The following DDX46 variants were observed in gnomAD, a reference collection of about 807,000 sequenced individuals.
DDX46 encodes the protein probable ATP-dependent RNA helicase DDX46.
Under a neutral mutation model 134.9 loss-of-function variants are expected in DDX46, and 30 were observed. The observed-to-expected ratio is 0.22, with a 90% CI of 0.17 to 0.30. DDX46 has a LOEUF of 0.30. Among genes scored for constraint, DDX46 ranks in the 10% least tolerant of loss-of-function variants. The pLI, the probability that DDX46 is intolerant of heterozygous loss-of-function variation, is 1.00. For missense variants in DDX46, 622 were observed against 1,248.7 expected, an observed-to-expected ratio of 0.50 and a Z score of 7.56; for synonymous variants, 415 against 404.1, an observed-to-expected ratio of 1.03 and a Z score of -0.32.
intron 1 of DDX46, among the ~76,000 whole-genome samples, chr5:134,759,341 T>C (rs1193002907): frequency 6.6e-6 from 1 of 152,228 alleles, no homozygotes; most frequent in East Asian, 1.9e-4. Flanking sequence ...ATTTTAGTTC[T>C]TTGTGCGCGT....
At position 134,796,097 on chromosome 5, in the gene DDX46, G is replaced by T. The variant is rs769294320; in HGVS notation, c.1901G>T (p.Gly634Val). The T allele has an allele frequency of 1.2e-6, 2 of 1,613,878 alleles. No homozygotes were observed. Among genetic ancestry groups the T allele is most frequent in the African/African-American group, 2.7e-5 (2 of 75,044 alleles). ...IFVDKQEHAD[G>V]LLKDLMRASY... ...GTGGATAAGCAGGAACATGCTGATG[G>T]TCTTCTTAAGGATTTAATGAGAGCA... is the stretch of plus-strand genomic sequence containing the variant. The change falls in exon 15 of 23, where the codon GGT becomes GTT. Residue 634 changes from glycine (G) to valine (V), a missense_variant. By Grantham distance (109) the Gly-to-Val change is moderately radical. Coordinates refer to ENST00000452510, the MANE Select transcript of DDX46 (RefSeq NM_001300860.2).
At chr5:134,811,551 GTAGAGCTCT>G in intron 17 of DDX46, 136 bp from the exon 18 acceptor site, 1 of 1,133,020 alleles carries the variant, frequency 8.8e-7, no homozygotes, top group Non-Finnish European at 1.2e-6. Context: ...TGGTGTCTAT[GTAGAGCTCT>G]TAGTTTATCT....
intron 2 of DDX46, among the ~76,000 whole-genome samples, chr5:134,765,113 G>T (rs1254945310): frequency 1.3e-5 from 2 of 149,000 alleles, no homozygotes; most frequent in Non-Finnish European, 3.0e-5. Context: ...CTGTCACCCA[G>T]GCTGGAGTGC....
At position 134,782,666 on chromosome 5, in the gene DDX46, G is replaced by A. The variant is rs755044582; in HGVS notation, c.1046-279G>A. ...GGTGATCTTCCTATGTCAGCCTCCC[G>A]AGTAGCTGGGACTACAGACATGTGC... is the stretch of plus-strand genomic sequence containing the variant. On this transcript the variant is annotated intron_variant, in intron 8 of 22. Transcript: ENST00000452510. Among the ~76,000 whole-genome samples the A allele has an allele frequency of 4.0e-5, 6 of 151,794 alleles. No individual in the cohort carries two copies. The East Asian group carries it at 7.7e-4, about 20-fold the overall frequency.
intron 15 of DDX46, among the ~76,000 whole-genome samples, chr5:134,805,784 C>T (rs1373531028): frequency 2.0e-5 from 3 of 152,066 alleles, no homozygotes; most frequent in East Asian, 1.9e-4. Flanking sequence ...CCTCCTGCCT[C>T]GGCCTCCGAA....
intron 14 of DDX46, among the ~76,000 whole-genome samples, 187 bp downstream of exon 14, chr5:134,795,201 C>CTTATTT (rs1301651132): frequency 9.4e-5 from 13 of 138,138 alleles, no homozygotes; most frequent in Middle Eastern, 3.9e-3. Context: ...ATTTAAAATG[C>CTTATTT]TTGTTTTTTT....
intron 21 of DDX46, among the ~76,000 whole-genome samples, chr5:134,821,039 G>GTT (rs775510506): frequency 1.7e-4 from 22 of 127,210 alleles, no homozygotes; most frequent in Admixed American, 3.2e-4. Flanking sequence ...GCTAATTTTC[G>GTT]TTTTTTTTTT....
Position 134,766,949 on chromosome 5 carries a change from G to A in DDX46, c.239G>A (p.Arg80Gln). 1.2e-5 allele frequency: 19 copies of A among 1,614,014 alleles called. No individual in the cohort carries two copies. The highest frequency in any genetic ancestry group is 1.6e-5 in the Non-Finnish European group (19 of 1,179,986). ...RSRSRERDRS[R>Q]ERRRSRSRDR... Reference sequence around the variant, plus strand: ...AGAAGTAGAGAGAGAGACAGAAGCCGAGAGCGAAGAAGATCTCGAAGTAGA... The same window carrying A: ...AGAAGTAGAGAGAGAGACAGAAGCCAAGAGCGAAGAAGATCTCGAAGTAGA... The change falls in exon 3 of 23, where the codon CGA (arginine) becomes CAA (glutamine). Residue 80 changes from arginine (R) to glutamine (Q), a missense_variant. This residue lies in a region of DDX46 where 244 missense variants were observed against 349.3 expected (regional missense o/e 0.70). Coordinates refer to ENST00000452510, the MANE Select transcript of DDX46 (RefSeq NM_001300860.2).
chr5:134,780,176 ATGTGTG>A (rs1330205898), intron 6 of DDX46, among the ~76,000 whole-genome samples: 1 of 150,202 alleles, frequency 6.7e-6, no homozygotes, highest in African/African-American at 2.5e-5. Context: ...GTATATGTAT[ATGTGTG>A]TATGTATATA....
chr5:134,822,368 T>C (rs1360024450), intron 21 of DDX46, among the ~76,000 whole-genome samples: 1 of 152,196 alleles, frequency 6.6e-6, no homozygotes, highest in Non-Finnish European at 1.5e-5. Flanking sequence ...GGTCTTGATC[T>C]GTCACTCAGG....
At chr5:134,761,437 A>C (rs536641928) in intron 1 of DDX46, among the ~76,000 whole-genome samples, 21 of 152,340 alleles carry the variant, frequency 1.4e-4, no homozygotes, top group Admixed American at 1.2e-3. Context: ...TGGGGAGGGA[A>C]GGGTAACAAG....
chr5:134,803,343 C>T (rs1422806424), intron 15 of DDX46, among the ~76,000 whole-genome samples: 1 of 151,880 alleles, frequency 6.6e-6, no homozygotes, highest in Non-Finnish European at 1.5e-5. Context: ...AGATTTTTGC[C>T]TCATGAATCT....
intron 21 of DDX46, among the ~76,000 whole-genome samples, chr5:134,822,413 G>A (rs79159392): frequency 0.013 from 1,919 of 151,736 alleles, 40 homozygotes; most frequent in African/African-American, 0.044. Context: ...GTTTACTGTA[G>A]CTTCAAACTC....
chr5:134,794,934 G>T lies in DDX46; in HGVS notation c.1711G>T (p.Ala571Ser). The T allele has an allele frequency of 6.2e-7, 1 of 1,614,180 alleles. No individual in the cohort carries two copies. The highest frequency in any genetic ancestry group is 8.5e-7 in the Non-Finnish European group (1 of 1,180,010). The part of the protein sequence containing the change: ...ATFPRAMEAL[A>S]RRILSKPIEV... ...TTTCCCCAGAGCTATGGAGGCTTTG[G>T]CTCGCAGGATCCTCAGTAAACCTAT... Residue 571 changes from alanine to serine, a missense_variant, in exon 14 of 23, where the codon GCT becomes TCT. Physicochemically the swap from Ala to Ser is moderately conservative, Grantham distance 99. Around this residue, in one of 8 missense-constraint regions of DDX46, gnomAD observed 209 missense variants for 508.4 expected, o/e 0.41. Transcript: ENST00000452510.
At chr5:134,807,657 C>A in intron 15 of DDX46, 91 bp from the exon 16 acceptor site, 1 of 1,174,464 alleles carries the variant, frequency 8.5e-7, no homozygotes, top group Non-Finnish European at 1.2e-6. Context: ...TTGGATGTGT[C>A]AATTTGTTCT....
intron 22 of DDX46, among the ~76,000 whole-genome samples, chr5:134,827,566 C>T (rs1369441313): frequency 6.6e-6 from 1 of 152,212 alleles, no homozygotes; most frequent in Non-Finnish European, 1.5e-5. Flanking sequence ...AGCCGTGGCG[C>T]CCGGCCCTAT....
chr5:134,790,074 T>TAA (rs1447347146), intron 12 of DDX46: 1 of 459,326 alleles, frequency 2.2e-6, no homozygotes, highest in Non-Finnish European at 4.4e-6. Flanking sequence ...TTTCCACACA[T>TAA]ACGCTGTAAT....
intron 1 of DDX46, among the ~76,000 whole-genome samples, chr5:134,759,567 T>C (rs1753313687): frequency 6.6e-6 from 1 of 152,234 alleles, no homozygotes; most frequent in Admixed American, 6.5e-5. Context: ...TTAGAACTCA[T>C]TAGATCTCAT....
intron 15 of DDX46, among the ~76,000 whole-genome samples, chr5:134,802,159 C>CTTTTTTTTTT (rs542615882): frequency 1.4e-5 from 1 of 73,284 alleles, no homozygotes; most frequent in Non-Finnish European, 2.5e-5. Context: ...TAATTTCTTT[C>CTTTTTTTTTT]TTTTTTTTTT....
Sources: gnomAD v4.1 joint callset for allele counts (sites outside exome capture counted in the v4.1 genomes callset) on GRCh38, gnomAD v4.1.1 for gene constraint, gnomAD v4.1.1 regional missense constraint, MANE v1.5 for transcripts, NCBI Gene and HGNC (gene_info 2026-07-23, HGNC 2026-07-21) for gene names.